RORA: variants seen among roughly 807,000 people sequenced by gnomAD.
The protein encoded by RORA is RAR related orphan receptor A.
Under a neutral mutation model 69.5 loss-of-function variants are expected in RORA, and 7 were observed. The ratio of observed to expected loss-of-function variants is 0.10; its 90% CI spans 0.06 to 0.19. The LOEUF (loss-of-function observed/expected upper bound fraction) is 0.19, where lower values mean the gene tolerates loss of function less well. Among genes scored for constraint, RORA ranks in the 10% least tolerant of loss-of-function variants. The pLI, the probability that RORA is intolerant of heterozygous loss-of-function variation, is 1.00. For synonymous variants in RORA, 261 were observed against 240.8 expected (o/e 1.08, Z -0.78); for missense variants, 457 against 663.0 (o/e 0.69, Z 3.41).
At chr15:60,912,338 C>A (rs1481376969) in intron 1 of RORA, among the ~76,000 whole-genome samples, 1 of 152,096 alleles carries the variant, frequency 6.6e-6, no homozygotes, top group Non-Finnish European at 1.5e-5. Context: ...GACAGGATCG[C>A]TTGAGCCCAC....
rs765883784 is a variant in RORA, at chr15:60,597,617, T to TATATATAC, written c.197-65767_197-65766insGTATATAT. On this transcript the variant is annotated intron_variant, in intron 2 of 10. Coordinates refer to ENST00000335670, the MANE Select transcript of RORA (RefSeq NM_134261.3). ...ATACACATATATATATATATATATATACATACATATATATACATATATATA... is the reference window on the plus strand; with the variant it reads ...ATACACATATATATATATATATATATATATATACACATACATATATATACATATATATA... 6.9e-4 allele frequency among the ~76,000 whole-genome samples: 30 copies of TATATATAC among 43,526 alleles called. 2 individuals carry two copies. The highest frequency in any genetic ancestry group is 0.018 in the Middle Eastern group (2 of 110). The allele number at this position is 43,526 out of a possible 152,430, so 28.6% of individuals were successfully genotyped here. A position where few individuals can be genotyped will look rare whatever the true frequency, so the allele number is the denominator to read the frequency against.
intron 1 of RORA, among the ~76,000 whole-genome samples, chr15:61,168,151 CATACAT>C (rs1356162767): frequency 6.7e-6 from 1 of 150,234 alleles, no homozygotes; most frequent in Non-Finnish European, 1.5e-5. Flanking sequence ...CACATATATA[CATACAT>C]ATACATATAT....
At chr15:60,636,262 C>A (rs1343501900) in intron 2 of RORA, among the ~76,000 whole-genome samples, 1 of 152,160 alleles carries the variant, frequency 6.6e-6, no homozygotes, top group Admixed American at 6.5e-5. Context: ...ACAATCCCAT[C>A]TTTCTATTCC....
chr15:61,096,364 G>C (rs1159929938), intron 1 of RORA, among the ~76,000 whole-genome samples: 1 of 152,146 alleles, frequency 6.6e-6, no homozygotes, highest in East Asian at 1.9e-4. Flanking sequence ...TTCCTTCCCA[G>C]AGACTGATAA....
chr15:60,948,129 C>T (rs577120531), intron 1 of RORA, among the ~76,000 whole-genome samples: 8 of 151,988 alleles, frequency 5.3e-5, no homozygotes, highest in East Asian at 1.9e-4. Context: ...ATGCCCAAGA[C>T]GCCCAGATTG....
At chr15:60,886,200 A>G (rs1382385754) in intron 1 of RORA, among the ~76,000 whole-genome samples, 1 of 152,244 alleles carries the variant, frequency 6.6e-6, no homozygotes, top group Non-Finnish European at 1.5e-5. Flanking sequence ...TTTGTAAGGC[A>G]GATGATCTAA....
intron 2 of RORA, among the ~76,000 whole-genome samples, chr15:60,543,432 C>CCA (rs2066965985): frequency 6.6e-6 from 1 of 151,992 alleles, no homozygotes. Flanking sequence ...GCATCAGTGC[C>CCA]CACCACATAG....
At chr15:60,994,845 C>T (rs1188097979) in intron 1 of RORA, among the ~76,000 whole-genome samples, 2 of 152,160 alleles carry the variant, frequency 1.3e-5, no homozygotes, top group African/African-American at 4.8e-5. Flanking sequence ...TTGAGAAAGC[C>T]AACTTTACCA....
intron 1 of RORA, among the ~76,000 whole-genome samples, chr15:61,117,209 C>A (rs534494519): frequency 2.2e-4 from 32 of 145,798 alleles, no homozygotes; most frequent in African/African-American, 7.9e-4. Flanking sequence ...TAAACTGCCT[C>A]AGCCAACAAA....
At chr15:61,163,037 T>C (rs1248575920) in intron 1 of RORA, among the ~76,000 whole-genome samples, 1 of 152,232 alleles carries the variant, frequency 6.6e-6, no homozygotes, top group East Asian at 1.9e-4. Flanking sequence ...AATCAATCAA[T>C]GCCAATGGCT....
At position 60,503,726 on chromosome 15, in the gene RORA, A is replaced by C. The variant is rs1036489180; in HGVS notation, c.943-59T>G. ...GGAAGATGTTAGCTTTTGTAGCAGA[A>C]GCTGCAGAGTTATGAAAGCAAAGCA... On this transcript the variant is annotated intron_variant, in intron 6 of 10. Transcript: ENST00000335670. 1.6e-5 allele frequency: 25 copies of C among 1,599,870 alleles called. No individual in the cohort carries two copies. The African/African-American group carries it at 3.3e-4, about 21-fold the overall frequency.
intron 1 of RORA, among the ~76,000 whole-genome samples, chr15:61,089,281 C>T (rs1170729257): frequency 1.3e-5 from 2 of 152,126 alleles, no homozygotes; most frequent in Non-Finnish European, 2.9e-5. Flanking sequence ...GATAAGTGGC[C>T]ACCCTTCCTC....
intron 1 of RORA, among the ~76,000 whole-genome samples, chr15:60,794,333 T>C (rs1408635931): frequency 2.0e-5 from 3 of 152,202 alleles, no homozygotes; most frequent in Non-Finnish European, 2.9e-5. Context: ...GCACACATAT[T>C]CCATGTTTAA....
At chr15:60,954,541 G>C (rs1035720441) in intron 1 of RORA, among the ~76,000 whole-genome samples, 6 of 152,060 alleles carry the variant, frequency 3.9e-5, no homozygotes, top group Non-Finnish European at 5.9e-5. Flanking sequence ...TCTTATGGAG[G>C]AGTGCCCTGT....
At chr15:60,597,595 C>CATATATATATAT (rs1303389761) in intron 2 of RORA, among the ~76,000 whole-genome samples, 8 of 30,414 alleles carry the variant, frequency 2.6e-4, no homozygotes, top group Non-Finnish European at 3.5e-4. Context: ...TATATATATA[C>CATATATATATAT]ACATATATAT....
At chr15:61,182,613 T>G (rs1161298652) in intron 1 of RORA, among the ~76,000 whole-genome samples, 1 of 152,128 alleles carries the variant, frequency 6.6e-6, no homozygotes, top group East Asian at 1.9e-4. Flanking sequence ...GAAAAGGAGC[T>G]TGTGGTAAGT....
At chr15:61,161,782 T>C (rs2079498193) in intron 1 of RORA, among the ~76,000 whole-genome samples, 1 of 152,184 alleles carries the variant, frequency 6.6e-6, no homozygotes, top group African/African-American at 2.4e-5. Flanking sequence ...AATCTATTAG[T>C]CTAAAGACAT....
chr15:60,764,548 C>A (rs1336924170), intron 1 of RORA, among the ~76,000 whole-genome samples: 1 of 151,806 alleles, frequency 6.6e-6, no homozygotes, highest in African/African-American at 2.4e-5. Context: ...GAATGGAAAT[C>A]ATTTGGCTTC....
chr15:61,186,751 C>A (rs2079747038), intron 1 of RORA, among the ~76,000 whole-genome samples: 1 of 152,072 alleles, frequency 6.6e-6, no homozygotes, highest in Non-Finnish European at 1.5e-5. Context: ...GAAGCCCCCA[C>A]TCCTCCCAGT....
Sources: allele counts gnomAD v4.1 joint callset (sites outside exome capture counted in the v4.1 genomes callset), GRCh38; gene constraint gnomAD v4.1.1; transcripts MANE v1.5; gene names NCBI Gene and HGNC (gene_info 2026-07-23, HGNC 2026-07-21).